Variants in USP7 observed in about 807,000 individuals in gnomAD.
USP7 encodes ubiquitin specific peptidase 7.
In USP7, 9 loss-of-function variants were observed where a neutral mutation model predicts 162.9. That is an observed-to-expected ratio of 0.06 (90% CI 0.03 to 0.10). The LOEUF (loss-of-function observed/expected upper bound fraction) is 0.10, where lower values mean the gene tolerates loss of function less well. USP7 is among the 10% of genes least tolerant of loss of function. USP7 has a pLI of 1.00. For synonymous variants in USP7, 562 were observed against 475.9 expected, an observed-to-expected ratio of 1.18 and a Z score of -2.35; for missense variants, 715 against 1,373.7, an observed-to-expected ratio of 0.52 and a Z score of 7.58.
chr16:8,935,668 C>G (rs1375801736), intron 1 of USP7: 2 of 152,206 alleles, frequency 1.3e-5, no homozygotes, highest in African/African-American at 2.4e-5. Flanking sequence ...ATATCCCACT[C>G]AGAAATAGAA....
At chr16:8,937,952 G>A (rs1321872925) in intron 1 of USP7, among the ~76,000 whole-genome samples, 1 of 152,156 alleles carries the variant, frequency 6.6e-6, no homozygotes, top group Admixed American at 6.5e-5. Context: ...ATCTGCTTAA[G>A]TATTTCATGA....
chr16:8,961,090 A>G lies in USP7; in HGVS notation c.79+2117T>C, dbSNP rs569171261. Among the ~76,000 whole-genome samples the G allele has an allele frequency of 3.3e-5, 5 of 152,344 alleles. No homozygotes were observed. The South Asian group carries it at 1.0e-3, about 32-fold the overall frequency. ...GTCCTAGGGGTTACCTTTCTAATAC[A>G]AACTGTAATATGAAAATAAAGCTTC... is the stretch of plus-strand genomic sequence containing the variant. On this transcript the variant is annotated intron_variant, in intron 1 of 30. Coordinates refer to ENST00000344836, the MANE Select transcript of USP7 (RefSeq NM_003470.3).
intron 1 of USP7, among the ~76,000 whole-genome samples, chr16:8,952,575 G>C (rs562295488): frequency 6.6e-6 from 1 of 152,226 alleles, no homozygotes; most frequent in South Asian, 2.1e-4. Flanking sequence ...CCTCACTCTG[G>C]CACTGATGAC....
intron 1 of USP7, among the ~76,000 whole-genome samples, chr16:8,941,734 G>T (rs1049495484): frequency 1.3e-5 from 2 of 152,130 alleles, no homozygotes; most frequent in African/African-American, 4.8e-5. Flanking sequence ...GTGTTGGGTG[G>T]TGCGTGCTGT....
intron 2 of USP7, among the ~76,000 whole-genome samples, chr16:8,927,923 C>T (rs1023800930): frequency 6.6e-6 from 1 of 152,078 alleles, no homozygotes; most frequent in African/African-American, 2.4e-5. Context: ...GGCAGAAGAA[C>T]TGCTTGAGCC....
intron 12 of USP7, among the ~76,000 whole-genome samples, chr16:8,907,432 A>G (rs948288320): frequency 2.0e-5 from 3 of 152,198 alleles, no homozygotes; most frequent in Non-Finnish European, 4.4e-5. Context: ...CTTAAACCTG[A>G]AGGCTGAATG....
intron 11 of USP7, 128 bp from the exon 12 acceptor site, chr16:8,908,578 G>A: frequency 1.4e-6 from 1 of 717,852 alleles, no homozygotes; most frequent in South Asian, 1.9e-5. Flanking sequence ...GGGAAGTTTA[G>A]GTGTCCATTT....
chr16:8,912,106 C>A (rs571038449), intron 10 of USP7, among the ~76,000 whole-genome samples: 139 of 152,206 alleles, frequency 9.1e-4, no homozygotes, highest in African/African-American at 3.2e-3. Context: ...TATCTAACAC[C>A]CAGCAAGATA....
intron 23 of USP7, 110 bp from the exon 24 acceptor site, chr16:8,898,749 T>G (rs2061727589): frequency 1.1e-6 from 1 of 872,560 alleles, no homozygotes; most frequent in Non-Finnish European, 1.7e-6. Context: ...GTCTTGAAAT[T>G]TGGACCTAGC....
At chr16:8,953,489 G>A (rs1355337590) in intron 1 of USP7, among the ~76,000 whole-genome samples, 2 of 152,100 alleles carry the variant, frequency 1.3e-5, no homozygotes, top group African/African-American at 4.8e-5. Context: ...AACGGGGGTT[G>A]GGGAGAAGAC....
At chr16:8,899,069 C>A (rs777639333) in intron 23 of USP7, 52 bp downstream of exon 23, 92 of 1,560,530 alleles carry the variant, frequency 5.9e-5, no homozygotes, top group Non-Finnish European at 7.8e-5. Flanking sequence ...TTTCAATGAA[C>A]TGTGGAAAGC....
rs1899467066 is a variant in USP7, at chr16:8,949,815, T to C, written c.79+13392A>G. Among the ~76,000 whole-genome samples the C allele has an allele frequency of 2.0e-5, 3 of 152,222 alleles. No homozygotes were observed. In the South Asian group the frequency reaches 6.2e-4, roughly 31 times the overall value. Reference sequence around the variant, plus strand: ...TCCAAGCCCCCAGGGCCTGAAGCAGTGATTACCAGCAAGTATGCCCTAAGC... The same window carrying C: ...TCCAAGCCCCCAGGGCCTGAAGCAGCGATTACCAGCAAGTATGCCCTAAGC... On this transcript the variant is annotated intron_variant, in intron 1 of 30. Transcript: ENST00000344836.
intron 1 of USP7, among the ~76,000 whole-genome samples, chr16:8,953,450 C>T (rs906564162): frequency 2.0e-5 from 3 of 152,108 alleles, no homozygotes; most frequent in Admixed American, 6.6e-5. Context: ...GTCTGAGGTA[C>T]GATCCAAGGG....
At chr16:8,949,358 T>C (rs7192015) in intron 1 of USP7, among the ~76,000 whole-genome samples, 40,671 of 152,130 alleles carry the variant, frequency 0.27, 7,007 homozygotes, top group African/African-American at 0.49. Context: ...TTGGGTACTA[T>C]GTAGGGAAAA....
intron 15 of USP7, among the ~76,000 whole-genome samples, chr16:8,903,897 AAAAGG>A (rs1567212037): frequency 6.6e-6 from 1 of 152,020 alleles, no homozygotes; most frequent in African/African-American, 2.4e-5. Flanking sequence ...AAGAAAAAAG[AAAAGG>A]AGACTGTGTT....
At chr16:8,916,801 A>G (rs984459465) in intron 7 of USP7, among the ~76,000 whole-genome samples, 2 of 152,162 alleles carry the variant, frequency 1.3e-5, no homozygotes, top group African/African-American at 4.8e-5. Context: ...AAAAACCTTA[A>G]GCGGTGAATT....
At chr16:8,898,255 T>C (rs554051121) in intron 25 of USP7, 105 bp downstream of exon 25, 3 of 975,646 alleles carry the variant, frequency 3.1e-6, no homozygotes, top group African/African-American at 1.6e-5. Context: ...TGCTGTTGTT[T>C]AGAGTGTTTT....
chr16:8,947,632 G>A (rs1442403809), intron 1 of USP7, among the ~76,000 whole-genome samples: 3 of 134,650 alleles, frequency 2.2e-5, no homozygotes, highest in Non-Finnish European at 3.1e-5. Context: ...ACAGGTGTGC[G>A]CTTATTTTTC....
intron 1 of USP7, among the ~76,000 whole-genome samples, chr16:8,958,126 C>T (rs1300567066): frequency 6.6e-6 from 1 of 152,202 alleles, no homozygotes; most frequent in African/African-American, 2.4e-5. Flanking sequence ...AGATGGTCAC[C>T]TTCAGAGCAA....
Sources: gnomAD v4.1 joint callset for allele counts (sites outside exome capture counted in the v4.1 genomes callset) on GRCh38, gnomAD v4.1.1 for gene constraint, MANE v1.5 for transcripts, NCBI Gene and HGNC (gene_info 2026-07-23, HGNC 2026-07-21) for gene names.